The following PDE4B variants were observed in gnomAD, a reference collection of about 807,000 sequenced individuals.
PDE4B encodes 3',5'-cyclic-AMP phosphodiesterase 4B.
Under a neutral mutation model 82.2 loss-of-function variants are expected in PDE4B, and 20 were observed. That is an observed-to-expected ratio of 0.24 (90% CI 0.17 to 0.35). The LOEUF (loss-of-function observed/expected upper bound fraction) is 0.35, where lower values mean the gene tolerates loss of function less well. Ranked by LOEUF, PDE4B falls within the 10% of genes least tolerant of loss-of-function variation. The probability of loss-of-function intolerance (pLI) is 1.00; values close to 1 mark genes in which losing one functional copy is unlikely to be tolerated. For synonymous variants in PDE4B, 320 were observed against 318.9 expected, an observed-to-expected ratio of 1.00 and a Z score of -0.04; for missense variants, 655 against 907.2, an observed-to-expected ratio of 0.72 and a Z score of 3.57.
intron 1 of PDE4B, among the ~76,000 whole-genome samples, chr1:65,841,360 G>GAA (rs1646205474): frequency 6.8e-6 from 1 of 147,312 alleles, no homozygotes; most frequent in African/African-American, 2.5e-5. Flanking sequence ...GAAAGAAAGA[G>GAA]AGAGAAAGGG....
intron 3 of PDE4B, among the ~76,000 whole-genome samples, chr1:66,158,892 G>T (rs930680882): frequency 1.3e-5 from 2 of 152,154 alleles, no homozygotes; most frequent in Admixed American, 6.5e-5. Flanking sequence ...TAAAAAAGAT[G>T]ATCTCATAAA....
At chr1:66,133,495 T>C (rs1333380246) in intron 3 of PDE4B, among the ~76,000 whole-genome samples, 1 of 152,230 alleles carries the variant, frequency 6.6e-6, no homozygotes, top group African/African-American at 2.4e-5. Flanking sequence ...TAGGTCTTTC[T>C]GGCATTCTCA....
chr1:66,299,904 G>A (rs765913165), intron 7 of PDE4B, among the ~76,000 whole-genome samples: 12 of 151,998 alleles, frequency 7.9e-5, no homozygotes, highest in Non-Finnish European at 1.6e-4. Flanking sequence ...GCCTTTATTT[G>A]TAGGACTTTT....
At chr1:66,332,647 A>C in intron 8 of PDE4B, 27 bp downstream of exon 8, 1 of 1,604,322 alleles carries the variant, frequency 6.2e-7, no homozygotes, top group Non-Finnish European at 8.5e-7. Context: ...TTATTCATTA[A>C]AGTGTGATCA....
chr1:66,146,173 C>CT (rs36027532), intron 3 of PDE4B, among the ~76,000 whole-genome samples: 5,276 of 49,248 alleles, frequency 0.11, 1,807 homozygotes, highest in Middle Eastern at 0.22. Context: ...GGGTAGCATG[C>CT]TTTTTTTTTT....
At chr1:66,106,142 A>G (rs926395363) in intron 3 of PDE4B, among the ~76,000 whole-genome samples, 22 of 152,324 alleles carry the variant, frequency 1.4e-4, no homozygotes, top group African/African-American at 3.4e-4. Flanking sequence ...GAGAGTTTTT[A>G]GCATGAAGCA....
chr1:65,856,674 A>C (rs1646396415), intron 1 of PDE4B, among the ~76,000 whole-genome samples: 1 of 152,232 alleles, frequency 6.6e-6, no homozygotes, highest in Non-Finnish European at 1.5e-5. Flanking sequence ...AGAATGATTT[A>C]TAATCCTTTG....
At chr1:66,230,230 G>T (rs1432660812) in intron 3 of PDE4B, among the ~76,000 whole-genome samples, 1 of 152,178 alleles carries the variant, frequency 6.6e-6, no homozygotes, top group East Asian at 1.9e-4. Context: ...GATAGTCTTG[G>T]AGTACAAAGA....
chr1:66,151,447 C>G (rs994389524), intron 3 of PDE4B, among the ~76,000 whole-genome samples: 2 of 152,166 alleles, frequency 1.3e-5, no homozygotes, highest in Non-Finnish European at 2.9e-5. Flanking sequence ...AATAGTTACT[C>G]TCTTCCAGGC....
At chr1:66,057,836 CACAAA>C (rs1655382405) in intron 3 of PDE4B, among the ~76,000 whole-genome samples, 1 of 152,118 alleles carries the variant, frequency 6.6e-6, no homozygotes, top group South Asian at 2.1e-4. Flanking sequence ...TGGGTGGGGA[CACAAA>C]ACCAAACCAT....
chr1:65,820,330 A>C (rs1348264101), intron 1 of PDE4B, among the ~76,000 whole-genome samples: 2 of 152,260 alleles, frequency 1.3e-5, no homozygotes, highest in Non-Finnish European at 2.9e-5. Context: ...CAATCTGAAC[A>C]ATTCACTATG....
At chr1:66,109,213 C>T (rs1645432956) in intron 3 of PDE4B, among the ~76,000 whole-genome samples, 1 of 151,856 alleles carries the variant, frequency 6.6e-6, no homozygotes, top group Admixed American at 6.6e-5. Flanking sequence ...TTCTTTGCTT[C>T]TTTGGAGTTT....
At chr1:66,138,758 G>C (rs1048795027) in intron 3 of PDE4B, among the ~76,000 whole-genome samples, 2 of 152,138 alleles carry the variant, frequency 1.3e-5, no homozygotes, top group Admixed American at 6.5e-5. Flanking sequence ...TAAAACTTTA[G>C]ACCTTTATAT....
At chr1:66,168,146 G>T (rs975452034) in intron 3 of PDE4B, among the ~76,000 whole-genome samples, 21 of 152,084 alleles carry the variant, frequency 1.4e-4, no homozygotes, top group Non-Finnish European at 1.9e-4. Flanking sequence ...ACTGGCATTT[G>T]CTTTTATTCA....
At chr1:65,837,794 T>TTG (rs369976464) in intron 1 of PDE4B, among the ~76,000 whole-genome samples, 115 of 141,212 alleles carry the variant, frequency 8.1e-4, no homozygotes, top group Admixed American at 2.9e-3. Flanking sequence ...ATAGGTAAAC[T>TTG]TGTGTGTGTG....
chr1:66,159,405 ATTTTTTT>A (rs1185555240), intron 3 of PDE4B, among the ~76,000 whole-genome samples: 2 of 138,676 alleles, frequency 1.4e-5, no homozygotes, highest in Non-Finnish European at 3.2e-5. Context: ...ACGCCCAGCT[ATTTTTTT>A]TTTTTTTGTA....
intron 3 of PDE4B, among the ~76,000 whole-genome samples, chr1:66,127,946 TGTAAGA>T (rs1372361955): frequency 6.6e-6 from 1 of 152,164 alleles, no homozygotes; most frequent in Non-Finnish European, 1.5e-5. Flanking sequence ...TAAGCTAAAG[TGTAAGA>T]GTTCTTAGGT....
intron 2 of PDE4B, among the ~76,000 whole-genome samples, chr1:65,913,603 T>C (rs1222801546): frequency 6.6e-6 from 1 of 152,204 alleles, no homozygotes; most frequent in Non-Finnish European, 1.5e-5. Flanking sequence ...ACCACCAATC[T>C]CTAGTCTATG....
At chr1:66,072,449 A>G (rs770789395) in intron 3 of PDE4B, among the ~76,000 whole-genome samples, 12 of 152,148 alleles carry the variant, frequency 7.9e-5, no homozygotes, top group Non-Finnish European at 1.5e-4. Flanking sequence ...GAGAAATTCT[A>G]CTACTAAAAT....
Sources: gnomAD v4.1 joint callset for allele counts (sites outside exome capture counted in the v4.1 genomes callset) on GRCh38, gnomAD v4.1.1 for gene constraint, MANE v1.5 for transcripts, NCBI Gene and HGNC (gene_info 2026-07-23, HGNC 2026-07-21) for gene names.